The following NIN variants were observed in gnomAD, a reference collection of about 807,000 sequenced individuals.
NIN encodes glycogen synthase kinase 3 beta-interacting protein.
NIN carries 137 observed loss-of-function variants against 257.6 expected under a neutral mutation model. The observed-to-expected ratio is 0.53, with a 90% CI of 0.46 to 0.61. NIN has a LOEUF of 0.61. NIN is among the 20% of genes least tolerant of loss of function. The pLI, the probability that NIN is intolerant of heterozygous loss-of-function variation, is 0.00. For missense variants in NIN, 2,439 were observed against 2,501.2 expected, an observed-to-expected ratio of 0.98 and a Z score of 0.53; for synonymous variants, 918 against 919.8, an observed-to-expected ratio of 1.00 and a Z score of 0.04.
chr14:50,790,010 C>T (rs1041427302), intron 5 of NIN, among the ~76,000 whole-genome samples: 1 of 152,196 alleles, frequency 6.6e-6, no homozygotes, highest in Admixed American at 6.5e-5. Flanking sequence ...CTGGGCTTTG[C>T]CTTTTTTAAC....
At chr14:50,813,039 T>C (rs2044710251) in intron 3 of NIN, among the ~76,000 whole-genome samples, 1 of 152,186 alleles carries the variant, frequency 6.6e-6, no homozygotes, top group Non-Finnish European at 1.5e-5. Flanking sequence ...AAGAGATAGT[T>C]CTCTTGTGGA....
chr14:50,780,615 T>A (rs1482791723), intron 5 of NIN, among the ~76,000 whole-genome samples: 2 of 152,214 alleles, frequency 1.3e-5, no homozygotes, highest in African/African-American at 4.8e-5. Context: ...GCCAACCACC[T>A]ACCACAGTTT....
Position 50,777,013 on chromosome 14 carries a change from T to G in NIN, c.602A>C (p.His201Pro), listed in dbSNP as rs1319069702. The G allele has an allele frequency of 3.1e-6, 5 of 1,614,112 alleles. No individual in the cohort carries two copies. The highest frequency in any genetic ancestry group is 4.2e-6 in the Non-Finnish European group (5 of 1,180,044). ...CEDLGITRDGHLNRKKLVSIC... is the reference protein window; with the variant it reads ...CEDLGITRDGPLNRKKLVSIC... The stretch of plus-strand genomic sequence containing the variant: ...GGAGACCAGCTTCTTCCGGTTCAGG[T>G]GACCATCACGGGTGATCCCCAAATC... The change falls in exon 7 of 31, where the codon CAC becomes CCC. Residue 201 changes from histidine (H) to proline (P), a missense_variant. This residue lies in a region of NIN where 387 missense variants were observed against 427.3 expected (regional missense o/e 0.91). Transcript: ENST00000530997.
In NIN at chr14:50,809,431, C is replaced by T. The variant is rs1166706948; in HGVS notation, c.184-2613G>A. On this transcript the variant is annotated intron_variant, in intron 3 of 30. Transcript: ENST00000530997. The stretch of plus-strand genomic sequence containing the variant: ...GGACCTGTAACTCTAGGTTTCCTCT[C>T]TCTCTTAAGGATATTAATGGAGGGG... Among the ~76,000 whole-genome samples the T allele has an allele frequency of 8.5e-5, 13 of 152,260 alleles. No homozygotes were observed. In the South Asian group the frequency reaches 1.0e-3, roughly 12 times the overall value.
intron 25 of NIN, 39 bp downstream of exon 25, chr14:50,741,543 G>A (rs1259628604): frequency 1.3e-6 from 2 of 1,589,562 alleles, no homozygotes; most frequent in Non-Finnish European, 1.7e-6. Context: ...ATACTTTACT[G>A]TAAATAACTT....
In NIN at chr14:50,757,266, A is replaced by T. The variant is rs773753274; in HGVS notation, c.3764T>A (p.Val1255Glu). The T allele has an allele frequency of 1.2e-6, 2 of 1,614,118 alleles. No homozygotes were observed. The highest frequency in any genetic ancestry group is 1.7e-6 in the Non-Finnish European group (2 of 1,180,030). The part of the protein sequence containing the change: ...SPKYKLLYED[V>E]SRENDCLQEE... The stretch of plus-strand genomic sequence containing the variant: ...CTGAAGGCAGTCATTTTCTCGGCTC[A>T]CATCTTCATACAACAGCTTATATTT... Residue 1255 changes from valine to glutamate, a missense_variant, in exon 18 of 31, where the codon GTG becomes GAG. By Grantham distance (121) the Val-to-Glu change is moderately radical. Coordinates refer to ENST00000530997, the MANE Select transcript of NIN (RefSeq NM_020921.4).
intron 24 of NIN, chr14:50,742,435 C>A (rs2041332246): frequency 6.6e-6 from 1 of 151,746 alleles, no homozygotes. Context: ...GCTCTGTCGC[C>A]CAGGCTAGAG....
Position 50,760,080 on chromosome 14 carries a change from C to G in NIN, c.2176G>C (p.Glu726Gln), listed in dbSNP as rs371478001. 3.1e-6 allele frequency: 5 copies of G among 1,614,000 alleles called. No homozygotes were observed. The African/African-American group carries it at 5.3e-5, about 17-fold the overall frequency. Residue 726 changes from glutamate to glutamine, a missense_variant, in exon 17 of 31, where the codon GAG becomes CAG. By Grantham distance (29) the Glu-to-Gln change is conservative (BLOSUM62 2). Coordinates refer to ENST00000530997, the MANE Select transcript of NIN (RefSeq NM_020921.4). Reference sequence around the variant, plus strand: ...GCCTGTGTCAGTCTAGCCTTGAGCTCCATCTCATGTTGCAGCCTCAGCTTC... The same window carrying G: ...GCCTGTGTCAGTCTAGCCTTGAGCTGCATCTCATGTTGCAGCCTCAGCTTC... ...QEKLRLQHEMELKARLTQAQA... is the reference protein window; with the variant it reads ...QEKLRLQHEMQLKARLTQAQA...
At chr14:50,776,236 C>A (rs966259250) in intron 7 of NIN, among the ~76,000 whole-genome samples, 1 of 152,168 alleles carries the variant, frequency 6.6e-6, no homozygotes, top group African/African-American at 2.4e-5. Flanking sequence ...GCTATTCATG[C>A]ACCCAGTCCT....
At chr14:50,778,869 T>TA in intron 5 of NIN, 65 bp from the exon 6 acceptor site, 1 of 1,535,318 alleles carries the variant, frequency 6.5e-7, no homozygotes, top group Non-Finnish European at 9.0e-7. Flanking sequence ...TCCTAGCTTT[T>TA]CCTAGAGCAG....
At chr14:50,793,516 C>T (rs757478013) in intron 4 of NIN, among the ~76,000 whole-genome samples, 1 of 152,090 alleles carries the variant, frequency 6.6e-6, no homozygotes, top group Non-Finnish European at 1.5e-5. Context: ...AATAAAATAG[C>T]AAATGTGAAA....
intron 3 of NIN, among the ~76,000 whole-genome samples, chr14:50,810,214 G>A (rs987946918): frequency 7.0e-6 from 1 of 143,538 alleles, no homozygotes. Context: ...CTGGGCGACA[G>A]AGTGAGACTC....
intron 5 of NIN, among the ~76,000 whole-genome samples, chr14:50,785,254 A>G (rs1310829679): frequency 1.3e-5 from 2 of 152,172 alleles, no homozygotes; most frequent in African/African-American, 2.4e-5. Context: ...TCCAGCCCCA[A>G]CGCCGGGCCA....
At chr14:50,741,319 G>C (rs193204604) in intron 25 of NIN, among the ~76,000 whole-genome samples, 3 of 152,166 alleles carry the variant, frequency 2.0e-5, no homozygotes, top group Admixed American at 2.0e-4. Flanking sequence ...ATGAAATTTA[G>C]AAAAAAGCAT....
chr14:50,755,669 TTTTTTTTTTA>T (rs1357179414), intron 18 of NIN, among the ~76,000 whole-genome samples: 5,655 of 89,240 alleles, frequency 0.063, 193 homozygotes, highest in Non-Finnish European at 0.077. Context: ...TTTTTTTTTT[TTTTTTTTTTA>T]AAAGAGACAG....
intron 11 of NIN, 31 bp from the exon 12 acceptor site, chr14:50,770,593 T>C (rs1468745997): frequency 3.1e-6 from 5 of 1,609,154 alleles, no homozygotes; most frequent in South Asian, 2.2e-5. Context: ...CAAGCTGCCA[T>C]CACGTCTTTC....
chr14:50,796,501 T>A lies in NIN; in HGVS notation c.266-3620A>T, dbSNP rs932504481. Among the ~76,000 whole-genome samples, 5 of 152,268 alleles carry A rather than the reference T, an allele frequency of 3.3e-5. No homozygotes were observed. In the South Asian group the frequency reaches 1.0e-3, roughly 32 times the overall value. ...GCCTTCGGGCCTTAGAAATGACAGCTGGGTTGCTCACACGCCACATTTGTT... is the reference window on the plus strand; with the variant it reads ...GCCTTCGGGCCTTAGAAATGACAGCAGGGTTGCTCACACGCCACATTTGTT... On this transcript the variant is annotated intron_variant, in intron 4 of 30. Coordinates refer to ENST00000530997, the MANE Select transcript of NIN (RefSeq NM_020921.4).
chr14:50,759,541 T>C (rs1256980385), intron 17 of NIN, among the ~76,000 whole-genome samples: 1 of 151,816 alleles, frequency 6.6e-6, no homozygotes, highest in Non-Finnish European at 1.5e-5. Context: ...TCGCCCAGGC[T>C]GGAGTGCAGT....
At chr14:50,797,089 T>C (rs1216110816) in intron 4 of NIN, among the ~76,000 whole-genome samples, 1 of 152,124 alleles carries the variant, frequency 6.6e-6, no homozygotes, top group African/African-American at 2.4e-5. Flanking sequence ...TTCCTGGAAG[T>C]TAAAGGAGAT....
Sources: gnomAD v4.1 joint callset for allele counts (sites outside exome capture counted in the v4.1 genomes callset) on GRCh38, gnomAD v4.1.1 for gene constraint, gnomAD v4.1.1 regional missense constraint, MANE v1.5 for transcripts, NCBI Gene and HGNC (gene_info 2026-07-23, HGNC 2026-07-21) for gene names.